Variants in MED12L observed in about 807,000 individuals in gnomAD.
MED12L encodes mediator of RNA polymerase II transcription subunit 12-like protein.
Under a neutral mutation model 281.3 loss-of-function variants are expected in MED12L, and 60 were observed. The ratio of observed to expected loss-of-function variants is 0.21; its 90% CI spans 0.17 to 0.26. The LOEUF is 0.26. MED12L is among the 10% of genes least tolerant of loss of function. The pLI, the probability that MED12L is intolerant of heterozygous loss-of-function variation, is 1.00. For synonymous variants in MED12L, 974 were observed against 987.2 expected, an observed-to-expected ratio of 0.99 and a Z score of 0.25; for missense variants, 2,146 against 2,680.9, an observed-to-expected ratio of 0.80 and a Z score of 4.41.
At chr3:151,402,565 G>A (rs562754065) in intron 39 of MED12L, among the ~76,000 whole-genome samples, 9 of 152,124 alleles carry the variant, frequency 5.9e-5, no homozygotes, top group Non-Finnish European at 1.3e-4. Context: ...CTCCCCCACT[G>A]GCCCTAGGGC....
At chr3:151,256,485 G>A (rs1737833253) in intron 16 of MED12L, among the ~76,000 whole-genome samples, 1 of 152,116 alleles carries the variant, frequency 6.6e-6, no homozygotes, top group Admixed American at 6.5e-5. Flanking sequence ...GTCTCCACAG[G>A]GAGTGTGAAT....
At chr3:151,206,535 C>G (rs2149183569) in intron 16 of MED12L, among the ~76,000 whole-genome samples, 1 of 149,986 alleles carries the variant, frequency 6.7e-6, no homozygotes, top group East Asian at 2.0e-4. Context: ...TAATAAAGAA[C>G]TTTTAAAGAT....
At chr3:151,097,140 T>C (rs1170569442) in intron 2 of MED12L, among the ~76,000 whole-genome samples, 2 of 152,186 alleles carry the variant, frequency 1.3e-5, no homozygotes, top group Non-Finnish European at 2.9e-5. Context: ...CATTTCTATC[T>C]AGTTTCACTT....
intron 16 of MED12L, among the ~76,000 whole-genome samples, chr3:151,194,166 C>T (rs1724345747): frequency 6.6e-6 from 1 of 151,974 alleles, no homozygotes; most frequent in African/African-American, 2.4e-5. Context: ...AGGTTTTCAC[C>T]ATTTTGGGCA....
intron 16 of MED12L, among the ~76,000 whole-genome samples, chr3:151,273,215 C>T (rs1741273810): frequency 6.8e-6 from 1 of 148,050 alleles, no homozygotes; most frequent in African/African-American, 2.5e-5. Flanking sequence ...CAGCAATAAA[C>T]ATTGTTGTGT....
intron 21 of MED12L, 122 bp from the exon 22 acceptor site, chr3:151,364,857 A>G: frequency 1.4e-6 from 1 of 693,294 alleles, no homozygotes; most frequent in East Asian, 2.6e-5. Context: ...AAGAACTCAT[A>G]ATGTGAATCT....
At chr3:151,359,353 G>C (rs1276717617) in intron 20 of MED12L, among the ~76,000 whole-genome samples, 1 of 152,108 alleles carries the variant, frequency 6.6e-6, no homozygotes, top group African/African-American at 2.4e-5. Context: ...TGACACTTTT[G>C]TTCTAATTGG....
Position 151,345,787 on chromosome 3 carries a change from G to A in MED12L, c.2251-4272G>A, listed in dbSNP as rs1577389669. On this transcript the variant is annotated intron_variant, in intron 16 of 44. Coordinates refer to ENST00000687756, the MANE Select transcript of MED12L (RefSeq NM_001393769.1). ...CCACCTCAGCCTCCCAAAGTGCTGG[G>A]ATTATAGATGTGAGCCACCATGCCC... 3.3e-5 allele frequency among the ~76,000 whole-genome samples: 5 copies of A among 152,152 alleles called. No individual in the cohort carries two copies. The South Asian group carries it at 1.0e-3, about 32-fold the overall frequency.
In MED12L at chr3:151,382,748, A is replaced by G; in HGVS notation, c.4680+3A>G. The G allele has an allele frequency of 6.2e-7, 1 of 1,606,000 alleles. No homozygotes were observed. The highest frequency in any genetic ancestry group is 8.5e-7 in the Non-Finnish European group (1 of 1,175,418). On this transcript the variant is annotated splice_donor_region_variant and intron_variant, in intron 33 of 44. Transcript: ENST00000687756. The stretch of plus-strand genomic sequence containing the variant: ...CATTGCAACTCCGCCTAAATTTGGT[A>G]AGTGACATTTCTAGTATTTTCCCTC...
At chr3:151,093,353 C>G (rs912551688) in intron 2 of MED12L, among the ~76,000 whole-genome samples, 3 of 152,144 alleles carry the variant, frequency 2.0e-5, no homozygotes, top group Non-Finnish European at 4.4e-5. Flanking sequence ...AATGCTGAGT[C>G]AGAATTCTGG....
chr3:151,421,576 A>G (rs1215344887), intron 43 of MED12L, among the ~76,000 whole-genome samples: 1 of 151,776 alleles, frequency 6.6e-6, no homozygotes, highest in Non-Finnish European at 1.5e-5. Context: ...ACACTAGGCT[A>G]ATTTTTGTAT....
chr3:151,376,871 C>T lies in MED12L; in HGVS notation c.4125C>T (p.Asp1375=). ...TAATGATCAAACAGTGCTTGAAGGA[C>T]CCTGTGAGTTTATATTGAAAGCTTA... The part of the protein sequence containing the change: ...LQLMIKQCLK[D]PGSGSVAEMN... The change falls in exon 29 of 45, where the codon GAC becomes GAT. Residue 1375 remains aspartate, a synonymous_variant. Coordinates refer to ENST00000687756, the MANE Select transcript of MED12L (RefSeq NM_001393769.1). 1.9e-6 allele frequency: 3 copies of T among 1,613,868 alleles called. No homozygotes were observed. Among genetic ancestry groups the T allele is most frequent in the Admixed American group, 3.3e-5 (2 of 59,994 alleles).
chr3:151,309,114 T>TACACACACACAC (rs1553775101), intron 16 of MED12L, among the ~76,000 whole-genome samples: 1 of 137,984 alleles, frequency 7.2e-6, no homozygotes, highest in East Asian at 2.0e-4. Context: ...TTTCATGAAA[T>TACACACACACAC]ACACGCACAC....
chr3:151,368,689 T>TATTTC (rs1175917645), intron 25 of MED12L, among the ~76,000 whole-genome samples: 484 of 41,954 alleles, frequency 0.012, 5 homozygotes, highest in Non-Finnish European at 0.014. Flanking sequence ...CATTTCATTT[T>TATTTC]ATTTCATTTC....
intron 13 of MED12L, among the ~76,000 whole-genome samples, chr3:151,188,877 A>G (rs1010436436): frequency 6.6e-5 from 10 of 152,196 alleles, no homozygotes; most frequent in South Asian, 6.2e-4. Flanking sequence ...GAGGCATGGT[A>G]CAAGGAAGTA....
At chr3:151,246,571 T>G (rs1020835740) in intron 16 of MED12L, among the ~76,000 whole-genome samples, 6 of 152,280 alleles carry the variant, frequency 3.9e-5, no homozygotes, top group East Asian at 1.9e-4. Context: ...TAGCCATATG[T>G]AGAAAGCTGA....
At chr3:151,156,471 C>T (rs1454463111) in intron 6 of MED12L, 141 bp downstream of exon 6, 20 of 744,092 alleles carry the variant, frequency 2.7e-5, no homozygotes, top group Middle Eastern at 2.6e-4. Flanking sequence ...TTTCTCACAT[C>T]GAATTGTATT....
intron 16 of MED12L, among the ~76,000 whole-genome samples, chr3:151,335,115 C>G (rs1029086816): frequency 2.6e-5 from 4 of 152,038 alleles, no homozygotes; most frequent in Admixed American, 2.6e-4. Flanking sequence ...TCACCTCAGG[C>G]ATTCATTTCT....
chr3:151,154,577 T>C (rs1719015991), intron 5 of MED12L, among the ~76,000 whole-genome samples: 1 of 152,214 alleles, frequency 6.6e-6, no homozygotes, highest in South Asian at 2.1e-4. Context: ...GTTATTAATA[T>C]TTTTAGCTCC....
Sources: allele counts gnomAD v4.1 joint callset (sites outside exome capture counted in the v4.1 genomes callset), GRCh38; gene constraint gnomAD v4.1.1; transcripts MANE v1.5; gene names NCBI Gene and HGNC (gene_info 2026-07-23, HGNC 2026-07-21).